The following DHRS11 variants were observed in gnomAD, a reference collection of about 807,000 sequenced individuals.
The protein encoded by DHRS11 is dehydrogenase/reductase 11.
Under a neutral mutation model 30.7 loss-of-function variants are expected in DHRS11, and 18 were observed. The ratio of observed to expected loss-of-function variants is 0.59; its 90% CI spans 0.41 to 0.87. The LOEUF (loss-of-function observed/expected upper bound fraction) is 0.87, where lower values mean the gene tolerates loss of function less well. Ranked by LOEUF, DHRS11 falls within the 40% of genes least tolerant of loss-of-function variation. The probability of loss-of-function intolerance (pLI) is 0.00; values close to 1 mark genes in which losing one functional copy is unlikely to be tolerated. For missense variants in DHRS11, 300 were observed against 349.0 expected (o/e 0.86, Z 1.12); for synonymous variants, 123 against 139.6 (o/e 0.88, Z 0.84).
Position 36,600,269 on chromosome 17 carries a change from G to T in DHRS11, c.*66G>T. The stretch of plus-strand genomic sequence containing the variant: ...CTTGCCTCCTGCCTCTGGATTTTAG[G>T]TGTTGATTTCTGGATCACGGGATAC... On this transcript the variant is annotated 3_prime_UTR_variant, in exon 7 of 7. Coordinates refer to ENST00000618403, the MANE Select transcript of DHRS11 (RefSeq NM_024308.4). 1 of 1,600,644 alleles carries T rather than the reference G, an allele frequency of 6.2e-7. No homozygotes were observed. Among genetic ancestry groups the T allele is most frequent in the Non-Finnish European group, 8.6e-7 (1 of 1,169,176 alleles).
In DHRS11 at chr17:36,599,103, C is replaced by T; in HGVS notation, c.582+53C>T. 1.9e-6 allele frequency: 3 copies of T among 1,579,036 alleles called. No individual in the cohort carries two copies. The South Asian group carries it at 3.4e-5, about 18-fold the overall frequency. The stretch of plus-strand genomic sequence containing the variant: ...CACAGGGTGGCGCAGGCCCTCCCCA[C>T]CCACACACACCGTTCAGGAAGCCCA... On this transcript the variant is annotated intron_variant, in intron 4 of 6. Transcript: ENST00000618403.
chr17:36,598,977 A>T lies in DHRS11; in HGVS notation c.509A>T (p.Lys170Met). Residue 170 changes from lysine (K) to methionine (M), a missense_variant, in exon 4 of 7, where the codon AAG (lysine) becomes ATG (methionine). By Grantham distance (95) the Lys-to-Met change is moderately conservative. Coordinates refer to ENST00000618403, the MANE Select transcript of DHRS11 (RefSeq NM_024308.4). ...LSVTHFYSAT[K>M]YAVTALTEGL... Reference sequence around the variant, plus strand: ...GTGACCCACTTCTATAGTGCCACCAAGTATGCCGTCACTGCGCTGACAGAG... The same window carrying T: ...GTGACCCACTTCTATAGTGCCACCATGTATGCCGTCACTGCGCTGACAGAG... The T allele has an allele frequency of 6.2e-7, 1 of 1,613,572 alleles. No homozygotes were observed. The highest frequency in any genetic ancestry group is 8.5e-7 in the Non-Finnish European group (1 of 1,179,982).
rs2074852301 is a variant in DHRS11, at chr17:36,600,574, C to G, written c.*371C>G. On this transcript the variant is annotated 3_prime_UTR_variant, in exon 7 of 7. Transcript: ENST00000618403. ...TCAGGGCTGGGGTGGCAGAGGGAGG[C>G]CTTCACCTTATATCTGTGTTGTTAT... 1 of 408,928 alleles carries G rather than the reference C, an allele frequency of 2.4e-6. No individual in the cohort carries two copies. Among genetic ancestry groups the G allele is most frequent in the African/African-American group, 2.0e-5 (1 of 49,366 alleles). The allele number at this position is 408,928 out of a possible 1,614,324, so 25.3% of individuals were successfully genotyped here.
Position 36,598,961 on chromosome 17 carries a change from T to C in DHRS11, c.493T>C (p.Phe165Leu), listed in dbSNP as rs1367261053. The C allele has an allele frequency of 6.2e-7, 1 of 1,613,494 alleles. No individual in the cohort carries two copies. Among genetic ancestry groups the C allele is most frequent in the East Asian group, 2.2e-5 (1 of 44,888 alleles). ...HRVLPLSVTHFYSATKYAVTA... is the reference protein window; with the variant it reads ...HRVLPLSVTHLYSATKYAVTA... ...AGTGTTACCCCTGTCTGTGACCCACTTCTATAGTGCCACCAAGTATGCCGT... is the reference window on the plus strand; with the variant it reads ...AGTGTTACCCCTGTCTGTGACCCACCTCTATAGTGCCACCAAGTATGCCGT... Residue 165 changes from phenylalanine (F) to leucine (L), a missense_variant, in exon 4 of 7, where the codon TTC becomes CTC. Phe to Leu is a conservative substitution (Grantham distance 22, BLOSUM62 0). Coordinates refer to ENST00000618403, the MANE Select transcript of DHRS11 (RefSeq NM_024308.4).
chr17:36,592,252 G>T lies in DHRS11; in HGVS notation c.147+96G>T. 8.2e-7 allele frequency: 1 copy of T among 1,217,238 alleles called. No individual in the cohort carries two copies. Among genetic ancestry groups the T allele is most frequent in the Non-Finnish European group, 1.0e-6 (1 of 975,654 alleles). 75.4% of individuals were successfully genotyped at this position (1,217,238 alleles called of 1,614,324 possible). A position where few individuals can be genotyped will look rare whatever the true frequency, so the allele number is the denominator to read the frequency against. On this transcript the variant is annotated intron_variant, in intron 1 of 6. Coordinates refer to ENST00000618403, the MANE Select transcript of DHRS11 (RefSeq NM_024308.4). This position sits in a 1 kb window ranked among gnomAD's most constrained non-coding sequence, Gnocchi z 4.4. ...ACGCCGGGGCCCTTTGCTCTAGTCG[G>T]GGCGGCCTCTCGGATCCCTTAAGGC...
At chr17:36,599,139 G>T in intron 4 of DHRS11, 89 bp downstream of exon 4, 1 of 1,506,376 alleles carries the variant, frequency 6.6e-7, no homozygotes, top group Non-Finnish European at 8.9e-7. Flanking sequence ...TGTTCAGAAT[G>T]TGCCGCTCAG....
At chr17:36,598,137 A>G in intron 2 of DHRS11, 26 bp from the exon 3 acceptor site, 7 of 1,612,118 alleles carry the variant, frequency 4.3e-6, no homozygotes, top group Non-Finnish European at 5.9e-6. Context: ...GAGTGGAGAC[A>G]CCTCATTGCC....
At chr17:36,596,175 TTG>T (rs2074809386) in intron 2 of DHRS11, 3 of 152,092 alleles carry the variant, frequency 2.0e-5, no homozygotes, top group African/African-American at 4.8e-5. Context: ...TTTTTTTTTT[TTG>T]AGGCGAAGTC....
intron 2 of DHRS11, 114 bp downstream of exon 2, chr17:36,595,294 C>T (rs746618390): frequency 6.8e-5 from 79 of 1,155,660 alleles, no homozygotes; most frequent in Non-Finnish European, 8.8e-5. Context: ...GAGGGAGCTT[C>T]GGGTTCCCAC....
chr17:36,595,092 G>T lies in DHRS11; in HGVS notation c.269G>T (p.Gly90Val). 6.2e-7 allele frequency: 1 copy of T among 1,614,206 alleles called. No individual in the cohort carries two copies. Among genetic ancestry groups the T allele is most frequent in the Non-Finnish European group, 8.5e-7 (1 of 1,180,040 alleles). ...MFSAIRSQHSGVDICINNAGL... is the reference protein window; with the variant it reads ...MFSAIRSQHSVVDICINNAGL... Reference sequence around the variant, plus strand: ...TCAGCTATCCGTTCTCAGCACAGCGGTGTAGACATCTGCATCAACAATGCT... The same window carrying T: ...TCAGCTATCCGTTCTCAGCACAGCGTTGTAGACATCTGCATCAACAATGCT... Residue 90 changes from glycine (G) to valine (V), a missense_variant, in exon 2 of 7, where the codon GGT (glycine) becomes GTT (valine). Gly to Val is a moderately radical substitution (Grantham distance 109). Transcript: ENST00000618403.
In DHRS11 at chr17:36,592,111, G is replaced by A. The variant is rs550268452; in HGVS notation, c.102G>A (p.Gln34=). ...GAAVARALVQ[Q]GLKVVGCART... is the part of the protein sequence containing the mutation. ...CCGTGGCCCGGGCCCTGGTCCAGCAGGGACTGAAGGTGGTGGGCTGCGCCC... is the reference window on the plus strand; with the variant it reads ...CCGTGGCCCGGGCCCTGGTCCAGCAAGGACTGAAGGTGGTGGGCTGCGCCC... The change falls in exon 1 of 7, where the codon CAG becomes CAA. Residue 34 remains glutamine (Q), a synonymous_variant. Coordinates refer to ENST00000618403, the MANE Select transcript of DHRS11 (RefSeq NM_024308.4). The surrounding 1 kb of genome is among the most constrained non-coding windows in gnomAD (Gnocchi z 4.4). The A allele has an allele frequency of 1.3e-5, 17 of 1,271,028 alleles. No individual in the cohort carries two copies. In the African/African-American group the frequency reaches 2.6e-4, roughly 19 times the overall value. 78.7% of individuals were successfully genotyped at this position (1,271,028 alleles called of 1,614,324 possible).
intron 1 of DHRS11, among the ~76,000 whole-genome samples, chr17:36,594,273 C>G (rs1322621400): frequency 1.3e-5 from 2 of 152,076 alleles, no homozygotes; most frequent in African/African-American, 4.8e-5. Flanking sequence ...TTAACCAGCC[C>G]AGTGACTCTC....
intron 2 of DHRS11, 25 bp from the exon 3 acceptor site, chr17:36,598,138 C>A (rs1158923514): frequency 6.2e-7 from 1 of 1,612,984 alleles, no homozygotes; most frequent in East Asian, 2.2e-5. Context: ...AGTGGAGACA[C>A]CTCATTGCCC....
rs1236509234 is a variant in DHRS11 at position 36,600,212 on chromosome 17, G to A, written c.*9G>A. 1.2e-6 allele frequency: 2 copies of A among 1,614,048 alleles called. No individual in the cohort carries two copies. The highest frequency in any genetic ancestry group is 2.2e-5 in the East Asian group (1 of 44,896). ...CGGAGCAGGTGACCTAGTGACTGTG[G>A]GAGCTCCTCCTTCCCTCCCCACCCT... On this transcript the variant is annotated 3_prime_UTR_variant, in exon 7 of 7. Coordinates refer to ENST00000618403, the MANE Select transcript of DHRS11 (RefSeq NM_024308.4).
At chr17:36,598,033 G>T in intron 2 of DHRS11, 130 bp from the exon 3 acceptor site, 1 of 871,054 alleles carries the variant, frequency 1.1e-6, no homozygotes, top group South Asian at 1.4e-5. Flanking sequence ...GCCTGTGGCT[G>T]GTCTCCGGGG....
At position 36,595,129 on chromosome 17, in the gene DHRS11, G is replaced by C; in HGVS notation, c.306G>C (p.Arg102=). ...DICINNAGLA[R]PDTLLSGSTS... ...GCATCAACAATGCTGGCTTGGCCCG[G>C]CCTGACACCCTGCTCTCAGGCAGCA... Residue 102 remains arginine, a synonymous_variant, in exon 2 of 7, where the codon CGG becomes CGC. Coordinates refer to ENST00000618403, the MANE Select transcript of DHRS11 (RefSeq NM_024308.4). 6.2e-7 allele frequency: 1 copy of C among 1,614,080 alleles called. No homozygotes were observed.
At position 36,591,894 on chromosome 17, in the gene DHRS11, C is replaced by T; in HGVS notation, c.-116C>T. 5.4e-6 allele frequency: 6 copies of T among 1,103,992 alleles called. No homozygotes were observed. The highest frequency in any genetic ancestry group is 5.7e-6 in the Non-Finnish European group (5 of 877,372). 68.4% of individuals were successfully genotyped at this position (1,103,992 alleles called of 1,614,324 possible). A position where few individuals can be genotyped will look rare whatever the true frequency, so the allele number is the denominator to read the frequency against. The stretch of plus-strand genomic sequence containing the variant: ...GAGGCAGGCCGGGACTCTGGTGGGT[C>T]TAGGCGCGGATCGGACCCAAGCAGG... On this transcript the variant is annotated 5_prime_UTR_variant, in exon 1 of 7. Coordinates refer to ENST00000618403, the MANE Select transcript of DHRS11 (RefSeq NM_024308.4).
intron 2 of DHRS11, 55 bp downstream of exon 2, chr17:36,595,235 G>C (rs2074800772): frequency 6.2e-7 from 1 of 1,600,920 alleles, no homozygotes; most frequent in Non-Finnish European, 8.5e-7. Flanking sequence ...AGAGAGGGGA[G>C]CCAGGGGTTT....
In DHRS11 at chr17:36,599,050, G is replaced by A. The variant is rs780816334; in HGVS notation, c.582G>A (p.Thr194=). The A allele has an allele frequency of 5.6e-6, 9 of 1,611,014 alleles. No homozygotes were observed. The highest frequency in any genetic ancestry group is 2.2e-5 in the East Asian group (1 of 44,896). Residue 194 remains threonine (T), a splice_region_variant and synonymous_variant, in exon 4 of 7, where the codon ACG becomes ACA. Transcript: ENST00000618403. The stretch of plus-strand genomic sequence containing the variant: ...AGGCCCAGACCCACATCCGAGCCAC[G>A]GTGAGGCTGTGGCCTAGCCCTGGTG... ...LREAQTHIRA[T]CISPGVVETQ...
Sources: gnomAD v4.1 joint callset for allele counts (sites outside exome capture counted in the v4.1 genomes callset) on GRCh38, gnomAD v4.1.1 for gene constraint, Gnocchi (gnomAD v3.1) non-coding constraint, MANE v1.5 for transcripts, NCBI Gene and HGNC (gene_info 2026-07-23, HGNC 2026-07-21) for gene names.